APP: variants seen among roughly 807,000 people sequenced by gnomAD.
APP encodes the protein amyloid beta precursor protein.
In APP, 31 loss-of-function variants were observed where a neutral mutation model predicts 101.4. The ratio of observed to expected loss-of-function variants is 0.31; its 90% CI spans 0.23 to 0.41. The LOEUF is 0.41. Among genes scored for constraint, APP ranks in the 10% least tolerant of loss-of-function variants. APP has a pLI of 1.00. For missense variants in APP, 839 were observed against 1,003.7 expected, an observed-to-expected ratio of 0.84 and a Z score of 2.22; for synonymous variants, 366 against 364.4, an observed-to-expected ratio of 1.00 and a Z score of -0.05.
chr21:25,976,693 G>A (rs2042236486), intron 9 of APP, among the ~76,000 whole-genome samples: 1 of 152,166 alleles, frequency 6.6e-6, no homozygotes, highest in African/African-American at 2.4e-5. Context: ...CAGCAAACAT[G>A]TATTTTTTTA....
At chr21:25,901,323 A>AAAAAAAAAC (rs1415299377) in intron 15 of APP, among the ~76,000 whole-genome samples, 1 of 64,166 alleles carries the variant, frequency 1.6e-5, no homozygotes, top group Non-Finnish European at 4.3e-5. Flanking sequence ...AAAAAACAAA[A>AAAAAAAAAC]CCAAGAGCTC....
intron 1 of APP, among the ~76,000 whole-genome samples, chr21:26,126,033 T>C (rs902728713): frequency 1.3e-5 from 2 of 152,242 alleles, no homozygotes; most frequent in Non-Finnish European, 2.9e-5. Context: ...GTACAATCTA[T>C]ATCTCGCCCT....
chr21:25,891,940 A>T (rs1569014665), intron 16 of APP, 72 bp from the exon 17 acceptor site: 84 of 1,468,276 alleles, frequency 5.7e-5, no homozygotes, highest in Non-Finnish European at 7.8e-5. Flanking sequence ...AAACGCAATT[A>T]GAAGAATTTC....
At chr21:25,918,667 T>C (rs193270411) in intron 13 of APP, among the ~76,000 whole-genome samples, 8,693 of 151,750 alleles carry the variant, frequency 0.057, 430 homozygotes, top group African/African-American at 0.13. Context: ...ATTGCGCTTT[T>C]CAGACCGGCT....
At chr21:26,016,862 G>A (rs1020809925) in intron 6 of APP, among the ~76,000 whole-genome samples, 4 of 149,416 alleles carry the variant, frequency 2.7e-5, no homozygotes, top group Admixed American at 6.8e-5. Flanking sequence ...GAGCCATTGC[G>A]CCCAGCCCAG....
chr21:25,911,699 T>C lies in APP; in HGVS notation c.1909+42A>G, dbSNP rs372997172. 48 of 1,565,936 alleles carry C rather than the reference T, an allele frequency of 3.1e-5. No individual in the cohort carries two copies. The African/African-American group carries it at 6.0e-4, about 19-fold the overall frequency. On this transcript the variant is annotated intron_variant, in intron 14 of 17. Coordinates refer to ENST00000346798, the MANE Select transcript of APP (RefSeq NM_000484.4). ...TGCACACACGTTATGTATGTGTATA[T>C]ATACCTCCCAGAACGCCCTTGCTGG...
Position 26,084,816 on chromosome 21 carries a change from G to T in APP, c.355+5127C>A, listed in dbSNP as rs45595437. On this transcript the variant is annotated intron_variant, in intron 3 of 17. Transcript: ENST00000346798. ...TATTTTCTTTTATTTTGGCATCATG[G>T]TGTTTTCAAAACTAAAGTGTATTTT... 7.6e-3 allele frequency among the ~76,000 whole-genome samples: 1,150 copies of T among 152,250 alleles called. 8 individuals carry two copies. The highest frequency in any genetic ancestry group is 0.013 in the Non-Finnish European group (853 of 68,006).
intron 13 of APP, among the ~76,000 whole-genome samples, chr21:25,914,262 C>T (rs1298671795): frequency 2.0e-5 from 3 of 151,886 alleles, no homozygotes; most frequent in Admixed American, 2.0e-4. Context: ...ACCCTCACCG[C>T]CCCTAGGAAT....
intron 6 of APP, among the ~76,000 whole-genome samples, chr21:26,015,615 A>G (rs369581717): frequency 6.6e-6 from 1 of 152,206 alleles, no homozygotes; most frequent in East Asian, 1.9e-4. Context: ...CACTACACAC[A>G]TAAAAAACAG....
chr21:26,111,936 C>T (rs1324694314), intron 2 of APP, 43 bp downstream of exon 2: 3 of 1,608,920 alleles, frequency 1.9e-6, no homozygotes, highest in South Asian at 2.2e-5. Flanking sequence ...AAAACAAATG[C>T]ATGTGATCCA....
chr21:25,909,659 AAG>A (rs1169226783), intron 14 of APP, among the ~76,000 whole-genome samples: 1 of 152,214 alleles, frequency 6.6e-6, no homozygotes, highest in Non-Finnish European at 1.5e-5. Context: ...CTGTTAGTAA[AAG>A]AGCAAATTTA....
intron 1 of APP, among the ~76,000 whole-genome samples, chr21:26,165,186 G>A (rs1163226407): frequency 6.6e-6 from 1 of 152,160 alleles, no homozygotes; most frequent in African/African-American, 2.4e-5. Context: ...GTCAATAAGT[G>A]AAACATCATC....
At chr21:26,153,277 C>A (rs2063314753) in intron 1 of APP, among the ~76,000 whole-genome samples, 2 of 151,998 alleles carry the variant, frequency 1.3e-5, no homozygotes, top group Admixed American at 6.6e-5. Context: ...CCACTTGTAC[C>A]CCAAAAGCTA....
intron 8 of APP, among the ~76,000 whole-genome samples, chr21:25,992,790 G>T (rs968476487): frequency 6.6e-6 from 1 of 152,132 alleles, no homozygotes; most frequent in Non-Finnish European, 1.5e-5. Flanking sequence ...CTTTAAAATT[G>T]TTCTCCCTCC....
chr21:26,144,307 A>T (rs1306315910), intron 1 of APP, among the ~76,000 whole-genome samples: 4 of 152,126 alleles, frequency 2.6e-5, no homozygotes, highest in Non-Finnish European at 4.4e-5. Context: ...ACTGAACCTC[A>T]TTTTGTTTAT....
At chr21:26,096,903 C>T (rs2061954006) in intron 2 of APP, among the ~76,000 whole-genome samples, 2 of 152,218 alleles carry the variant, frequency 1.3e-5, no homozygotes, top group African/African-American at 4.8e-5. Context: ...AGGGAATACT[C>T]AGAGAGACAA....
At chr21:26,040,192 T>C (rs2045310514) in intron 5 of APP, among the ~76,000 whole-genome samples, 1 of 152,242 alleles carries the variant, frequency 6.6e-6, no homozygotes, top group Admixed American at 6.5e-5. Flanking sequence ...CATAATTTTC[T>C]ACGTTTGCTG....
intron 1 of APP, among the ~76,000 whole-genome samples, chr21:26,152,284 CAAAAAAAAA>C (rs1161739630): frequency 9.4e-4 from 34 of 36,178 alleles, no homozygotes; most frequent in African/African-American, 4.7e-3. Context: ...GACTCCATCT[CAAAAAAAAA>C]AAAAAAAAAA....
At chr21:26,010,213 CA>C (rs74265002) in intron 6 of APP, among the ~76,000 whole-genome samples, 3,412 of 80,162 alleles carry the variant, frequency 0.043, 131 homozygotes, top group African/African-American at 0.13. Flanking sequence ...TCCTTTTGAA[CA>C]AAAAAAAAAA....
Sources: allele counts gnomAD v4.1 joint callset (sites outside exome capture counted in the v4.1 genomes callset), GRCh38; gene constraint gnomAD v4.1.1; transcripts MANE v1.5; gene names NCBI Gene and HGNC (gene_info 2026-07-23, HGNC 2026-07-21).